Variants in GABRB1 observed in about 807,000 individuals in gnomAD.
GABRB1 encodes the protein gamma-aminobutyric acid type A receptor subunit beta1.
In GABRB1, 17 loss-of-function variants were observed where a neutral mutation model predicts 51.6. The observed-to-expected ratio is 0.33, with a 90% CI of 0.23 to 0.49. The LOEUF (loss-of-function observed/expected upper bound fraction) is 0.49. Ranked by LOEUF, GABRB1 falls within the 20% of genes least tolerant of loss-of-function variation. GABRB1 has a pLI of 0.99. For missense variants in GABRB1, 410 were observed against 600.6 expected (o/e 0.68, Z 3.32); for synonymous variants, 247 against 218.9 (o/e 1.13, Z -1.14).
At chr4:47,333,235 TACA>T (rs1199878652) in intron 5 of GABRB1, among the ~76,000 whole-genome samples, 5 of 33,390 alleles carry the variant, frequency 1.5e-4, no homozygotes, top group African/African-American at 5.7e-4. Context: ...TATATATATA[TACA>T]CACCACGTAT....
chr4:47,273,238 C>T (rs1264642172), intron 4 of GABRB1, among the ~76,000 whole-genome samples: 1 of 152,310 alleles, frequency 6.6e-6, no homozygotes, highest in East Asian at 1.9e-4. Flanking sequence ...TCCTCCCAGG[C>T]AGCTACCAGT....
chr4:47,099,713 G>A (rs754052630), intron 3 of GABRB1, among the ~76,000 whole-genome samples: 16 of 151,946 alleles, frequency 1.1e-4, no homozygotes, highest in Admixed American at 2.0e-4. Flanking sequence ...TTGTAGAGCA[G>A]GAAACTTAGA....
intron 1 of GABRB1, among the ~76,000 whole-genome samples, chr4:47,025,171 C>A (rs1205315958): frequency 6.6e-6 from 1 of 150,970 alleles, no homozygotes; most frequent in Admixed American, 6.6e-5. Context: ...GTTGGCTCCA[C>A]ATTTTTGGAA....
chr4:47,251,433 G>C (rs1019610499), intron 4 of GABRB1, among the ~76,000 whole-genome samples: 4 of 152,170 alleles, frequency 2.6e-5, no homozygotes, highest in Admixed American at 1.3e-4. Context: ...CTCCTGCCAG[G>C]AGGTGGTGCT....
chr4:47,224,885 T>C (rs1191380686), intron 4 of GABRB1, among the ~76,000 whole-genome samples: 1 of 152,102 alleles, frequency 6.6e-6, no homozygotes, highest in Non-Finnish European at 1.5e-5. Flanking sequence ...TTTGTTGCTG[T>C]TGCTGTTGTT....
At chr4:47,000,142 A>G (rs1307086899) in intron 1 of GABRB1, among the ~76,000 whole-genome samples, 2 of 152,218 alleles carry the variant, frequency 1.3e-5, no homozygotes, top group Admixed American at 1.3e-4. Context: ...ACTTTCTCTC[A>G]ATAATGATAA....
intron 7 of GABRB1, among the ~76,000 whole-genome samples, chr4:47,405,568 A>G (rs984021854): frequency 6.6e-6 from 1 of 152,136 alleles, no homozygotes; most frequent in African/African-American, 2.4e-5. Context: ...CAAAATAATT[A>G]ATCTCAGATT....
Position 47,425,831 on chromosome 4 carries a change from C to T in GABRB1, c.1238C>T (p.Ala413Val). 6.2e-7 allele frequency: 1 copy of T among 1,614,054 alleles called. No individual in the cohort carries two copies. Among genetic ancestry groups the T allele is most frequent in the East Asian group, 2.2e-5 (1 of 44,870 alleles). ...QYRKPLSSRE[A>V]YGRALDRHGV... The stretch of plus-strand genomic sequence containing the variant: ...CGCAAGCCCCTGAGCAGCCGCGAGG[C>T]CTACGGGCGCGCCCTGGACCGGCAC... Residue 413 changes from alanine to valine, a missense_variant, in exon 9 of 9, where the codon GCC becomes GTC. Physicochemically the swap from Ala to Val is moderately conservative, Grantham distance 64 (BLOSUM62 0). This residue lies in a region of GABRB1 where 181 missense variants were observed against 195.6 expected (regional missense o/e 0.93). Coordinates refer to ENST00000295454, the MANE Select transcript of GABRB1 (RefSeq NM_000812.4).
At chr4:47,107,863 C>G (rs1715034645) in intron 3 of GABRB1, among the ~76,000 whole-genome samples, 1 of 151,970 alleles carries the variant, frequency 6.6e-6, no homozygotes, top group African/African-American at 2.4e-5. Flanking sequence ...AGGAGAGTAA[C>G]TTTTAGATAG....
At chr4:47,116,481 A>G (rs935391359) in intron 3 of GABRB1, among the ~76,000 whole-genome samples, 14 of 152,238 alleles carry the variant, frequency 9.2e-5, no homozygotes, top group Non-Finnish European at 1.9e-4. Flanking sequence ...GTTTAGTACT[A>G]CAATTTTTCT....
intron 4 of GABRB1, among the ~76,000 whole-genome samples, chr4:47,205,507 C>A (rs1206900710): frequency 1.3e-5 from 2 of 152,068 alleles, no homozygotes; most frequent in African/African-American, 4.8e-5. Context: ...TTTGATTTTA[C>A]TAACATTGTA....
chr4:47,200,100 T>C (rs1342671985), intron 4 of GABRB1, among the ~76,000 whole-genome samples: 3 of 152,152 alleles, frequency 2.0e-5, no homozygotes, highest in South Asian at 2.1e-4. Flanking sequence ...GAGCATAGAA[T>C]TGAAGCTGGG....
intron 3 of GABRB1, 148 bp from the exon 4 acceptor site, chr4:47,161,101 T>C (rs1361654700): frequency 1.7e-6 from 1 of 602,846 alleles, no homozygotes; most frequent in South Asian, 2.1e-5. Context: ...CCCCTAGTAC[T>C]TTTAACCTAT....
intron 1 of GABRB1, among the ~76,000 whole-genome samples, chr4:46,996,985 G>C (rs1014679203): frequency 2.6e-5 from 4 of 152,064 alleles, no homozygotes; most frequent in African/African-American, 7.2e-5. Flanking sequence ...AAATGCTCCT[G>C]TTCCAAGAAT....
chr4:47,046,861 G>A (rs1726113141), intron 3 of GABRB1, among the ~76,000 whole-genome samples: 2 of 152,000 alleles, frequency 1.3e-5, no homozygotes, highest in South Asian at 4.1e-4. Flanking sequence ...TTGAGCTAGA[G>A]GCCATTATCC....
At chr4:47,348,075 TTTC>T (rs1174781491) in intron 5 of GABRB1, among the ~76,000 whole-genome samples, 1 of 152,316 alleles carries the variant, frequency 6.6e-6, no homozygotes, top group African/African-American at 2.4e-5. Flanking sequence ...GGTCCCTAGC[TTTC>T]TTCTTGTATT....
chr4:47,330,641 C>A (rs945295907), intron 5 of GABRB1, among the ~76,000 whole-genome samples: 1 of 152,026 alleles, frequency 6.6e-6, no homozygotes, highest in Non-Finnish European at 1.5e-5. Context: ...ATATAGAAGA[C>A]ATTCCTCATT....
At chr4:47,084,484 C>T (rs1560526672) in intron 3 of GABRB1, among the ~76,000 whole-genome samples, 1 of 152,052 alleles carries the variant, frequency 6.6e-6, no homozygotes, top group Non-Finnish European at 1.5e-5. Flanking sequence ...ATATCTCTGC[C>T]CTCTCTCTCA....
intron 5 of GABRB1, among the ~76,000 whole-genome samples, chr4:47,402,850 T>C (rs922079362): frequency 8.0e-5 from 12 of 149,908 alleles, no homozygotes; most frequent in African/African-American, 2.9e-4. Flanking sequence ...GTCTTAATCA[T>C]GTAATGGCTA....
Sources: gnomAD v4.1 joint callset for allele counts (sites outside exome capture counted in the v4.1 genomes callset) on GRCh38, gnomAD v4.1.1 for gene constraint, gnomAD v4.1.1 regional missense constraint, MANE v1.5 for transcripts, NCBI Gene and HGNC (gene_info 2026-07-23, HGNC 2026-07-21) for gene names.